Variants in SDHAF4 observed in about 807,000 individuals in gnomAD.
SDHAF4 encodes the protein succinate dehydrogenase assembly factor 4, mitochondrial.
Under a neutral mutation model 14.3 loss-of-function variants are expected in SDHAF4, and 14 were observed. The observed-to-expected ratio is 0.98, with a 90% confidence interval of 0.65 to 1.53. SDHAF4 has a LOEUF of 1.53. Ranked by LOEUF, SDHAF4 falls within the 40% of genes most tolerant of loss-of-function variation. SDHAF4 has a pLI of 0.00. For missense variants in SDHAF4, 141 were observed against 129.3 expected (o/e 1.09, Z -0.44); for synonymous variants, 63 against 47.3 (o/e 1.33, Z -1.36).
intron 2 of SDHAF4, among the ~76,000 whole-genome samples, chr6:70,582,826 C>T (rs1167540117): frequency 6.6e-6 from 1 of 152,300 alleles, no homozygotes; most frequent in South Asian, 2.1e-4. Context: ...TCTGCTTCCT[C>T]GTTTCCTTCC....
intron 2 of SDHAF4, among the ~76,000 whole-genome samples, chr6:70,588,390 T>C (rs1403924994): frequency 6.6e-6 from 1 of 152,096 alleles, no homozygotes; most frequent in African/African-American, 2.4e-5. Context: ...CGTGGTGGCA[T>C]GTGCGTGTAA....
At chr6:70,578,184 C>G (rs1350186874) in intron 1 of SDHAF4, among the ~76,000 whole-genome samples, 1 of 152,202 alleles carries the variant, frequency 6.6e-6, no homozygotes, top group Non-Finnish European at 1.5e-5. Flanking sequence ...AAGATACATT[C>G]CCACTAGCAG....
chr6:70,588,793 T>C lies in SDHAF4; in HGVS notation c.*69T>C. 1.2e-6 allele frequency: 1 copy of C among 848,032 alleles called. No homozygotes were observed. Among genetic ancestry groups the C allele is most frequent in the East Asian group, 2.6e-5 (1 of 39,026 alleles). 52.5% of individuals were successfully genotyped at this position (848,032 alleles called of 1,614,324 possible). A position where few individuals can be genotyped will look rare whatever the true frequency, so the allele number is the denominator to read the frequency against. On this transcript the variant is annotated 3_prime_UTR_variant, in exon 3 of 3. Transcript: ENST00000370474. ...ATCTGAATTAACTTATTTCTGATTA[T>C]TTTCTTTCTTTATATCCTTTATGTC...
Position 70,579,395 on chromosome 6 carries a change from AT to A in SDHAF4, c.65-17del. ...ATAAATGAACAGCTCCTATTTTTCT[AT>A]TATCTCCACTCTTCTAGGATCACCC... is the stretch of plus-strand genomic sequence containing the variant. On this transcript the variant is annotated intron_variant, in intron 1 of 2. Transcript: ENST00000370474. 6.9e-7 allele frequency: 1 copy of A among 1,451,772 alleles called. No homozygotes were observed. Among genetic ancestry groups the A allele is most frequent in the South Asian group, 1.6e-5 (1 of 62,636 alleles). The allele number at this position is 1,451,772 out of a possible 1,614,324, so 89.9% of individuals were successfully genotyped here.
chr6:70,575,357 G>A (rs1269633973), intron 1 of SDHAF4, among the ~76,000 whole-genome samples: 2 of 151,594 alleles, frequency 1.3e-5, no homozygotes, highest in African/African-American at 2.4e-5. Context: ...CAGCCTGGGG[G>A]ACAGAGTGAG....
chr6:70,577,643 G>A (rs1019966236), intron 1 of SDHAF4, among the ~76,000 whole-genome samples: 3 of 152,084 alleles, frequency 2.0e-5, no homozygotes, highest in African/African-American at 7.2e-5. Context: ...TTTGGGATAC[G>A]AATAATCCCA....
At chr6:70,569,524 G>A (rs375716546) in intron 1 of SDHAF4, among the ~76,000 whole-genome samples, 2 of 152,192 alleles carry the variant, frequency 1.3e-5, no homozygotes, top group Non-Finnish European at 1.5e-5. Flanking sequence ...GATTACAGGC[G>A]TGAGCTGCCA....
intron 2 of SDHAF4, among the ~76,000 whole-genome samples, chr6:70,586,217 T>C (rs74789404): frequency 1.6e-4 from 24 of 152,280 alleles, no homozygotes; most frequent in Non-Finnish European, 2.8e-4. Context: ...AGGGATTGAA[T>C]GTAAGAGAGA....
At chr6:70,573,628 T>C (rs971239080) in intron 1 of SDHAF4, among the ~76,000 whole-genome samples, 1 of 151,594 alleles carries the variant, frequency 6.6e-6, no homozygotes, top group Admixed American at 6.6e-5. Flanking sequence ...TTTTCTTTCT[T>C]TTTTTTGGCC....
chr6:70,588,561 A>C, intron 2 of SDHAF4, 54 bp from the exon 3 acceptor site: 1 of 802,172 alleles, frequency 1.2e-6, no homozygotes, highest in Non-Finnish European at 2.1e-6. Context: ...TAAATTGACT[A>C]TAAGGCCTTT....
chr6:70,591,112 T>A (rs1765254443), downstream of SDHAF4, among the ~76,000 whole-genome samples: 1 of 152,080 alleles, frequency 6.6e-6, no homozygotes, highest in African/African-American at 2.4e-5. Flanking sequence ...GTTCACCAGT[T>A]CCAATGCTAA....
intron 2 of SDHAF4, among the ~76,000 whole-genome samples, chr6:70,585,952 T>C (rs1765189952): frequency 6.6e-6 from 1 of 152,208 alleles, no homozygotes; most frequent in Non-Finnish European, 1.5e-5. Context: ...ATGCCTTTTC[T>C]TCTGTTAATC....
chr6:70,572,802 G>A (rs575678873), intron 1 of SDHAF4, among the ~76,000 whole-genome samples: 5 of 152,166 alleles, frequency 3.3e-5, no homozygotes, highest in Admixed American at 2.0e-4. Context: ...GTTCAGACTC[G>A]TGGGTCTGTG....
rs145581049 is a variant in SDHAF4 at position 70,580,821 on chromosome 6, G to A, written c.217+1255G>A. 4.0e-4 allele frequency among the ~76,000 whole-genome samples: 61 copies of A among 152,302 alleles called. 1 individual carries two copies. In the East Asian group the frequency reaches 0.011, roughly 28 times the overall value. The stretch of plus-strand genomic sequence containing the variant: ...AATAGAGGCTATCAGGGACTCCGGG[G>A]ACTAAGGGAGAAGTCATTGTTTAGT... On this transcript the variant is annotated intron_variant, in intron 2 of 2. Transcript: ENST00000370474.
At chr6:70,583,949 A>C (rs991897173) in intron 2 of SDHAF4, among the ~76,000 whole-genome samples, 1 of 152,232 alleles carries the variant, frequency 6.6e-6, no homozygotes, top group Admixed American at 6.5e-5. Flanking sequence ...TGTTTTAATT[A>C]GCTTTATTAA....
chr6:70,573,685 T>A (rs191114905), intron 1 of SDHAF4, among the ~76,000 whole-genome samples: 68 of 151,494 alleles, frequency 4.5e-4, no homozygotes, highest in Non-Finnish European at 5.2e-4. Flanking sequence ...TTATTTTTTT[T>A]TTATTTTTTA....
chr6:70,583,020 G>A (rs527577355), intron 2 of SDHAF4, among the ~76,000 whole-genome samples: 1 of 152,178 alleles, frequency 6.6e-6, no homozygotes, highest in African/African-American at 2.4e-5. Context: ...ACGATGAACA[G>A]GACATCATGT....
At chr6:70,596,591 C>T in the SDHAF4 span, 1 of 152,200 alleles carries the variant, frequency 6.6e-6, no homozygotes, top group Non-Finnish European at 1.5e-5. Flanking sequence ...CAGAAAATGT[C>T]ATACAATGCT....
intron 2 of SDHAF4, among the ~76,000 whole-genome samples, chr6:70,586,811 G>C (rs2347427): frequency 0.41 from 62,349 of 151,906 alleles, 13,518 homozygotes; most frequent in African/African-American, 0.53. Flanking sequence ...TAATGTAAAT[G>C]TGGGAAGGAA....
Sources: gnomAD v4.1 joint callset for allele counts (sites outside exome capture counted in the v4.1 genomes callset) on GRCh38, gnomAD v4.1.1 for gene constraint, MANE v1.5 for transcripts, NCBI Gene and HGNC (gene_info 2026-07-23, HGNC 2026-07-21) for gene names.